Variants in CABLES1 observed in about 807,000 individuals in gnomAD.
CABLES1 encodes Cdk5 and Abl enzyme substrate 1, also known as CDK5 and ABL1 enzyme substrate 1.
A neutral mutation model predicts 57.8 loss-of-function variants in CABLES1; 36 were observed. The ratio of observed to expected loss-of-function variants is 0.62; its 90% CI spans 0.48 to 0.82. The LOEUF (loss-of-function observed/expected upper bound fraction) is 0.82, where lower values mean the gene tolerates loss of function less well. Among genes scored for constraint, CABLES1 ranks in the 40% least tolerant of loss-of-function variants. CABLES1 has a pLI of 0.00. For synonymous variants in CABLES1, 374 were observed against 363.0 expected, an observed-to-expected ratio of 1.03 and a Z score of -0.35; for missense variants, 767 against 836.6, an observed-to-expected ratio of 0.92 and a Z score of 1.03.
chr18:23,194,645 C>G, intron 3 of CABLES1, 105 bp downstream of exon 3: 1 of 725,132 alleles, frequency 1.4e-6, no homozygotes, highest in Non-Finnish European at 2.4e-6. Context: ...CAAGCCCACA[C>G]TTTTAAGATG....
chr18:23,247,536 A>G (rs1280105085), intron 7 of CABLES1, among the ~76,000 whole-genome samples: 2 of 152,236 alleles, frequency 1.3e-5, no homozygotes, highest in Non-Finnish European at 1.5e-5. Flanking sequence ...GAGCGGGAGC[A>G]GGACACGGAA....
At chr18:23,202,043 GAGGAAGGAAGGA>G (rs55652834) in intron 3 of CABLES1, among the ~76,000 whole-genome samples, 4 of 151,766 alleles carry the variant, frequency 2.6e-5, no homozygotes, top group Non-Finnish European at 4.4e-5. Flanking sequence ...AGGTGATTGA[GAGGAAGGAAGGA>G]AGGAAGGAAG....
intron 1 of CABLES1, among the ~76,000 whole-genome samples, chr18:23,179,299 C>T (rs1028415060): frequency 6.6e-6 from 1 of 152,044 alleles, no homozygotes; most frequent in African/African-American, 2.4e-5. Context: ...AAAGAAAAAA[C>T]GGTTTCTTCC....
chr18:23,254,872 TG>T (rs1422475782), intron 9 of CABLES1, among the ~76,000 whole-genome samples: 1 of 152,076 alleles, frequency 6.6e-6, no homozygotes, highest in African/African-American at 2.4e-5. Flanking sequence ...CATACGAATT[TG>T]GGGGGACACA....
At chr18:23,146,594 T>A (rs1197829926) in intron 1 of CABLES1, among the ~76,000 whole-genome samples, 1 of 152,200 alleles carries the variant, frequency 6.6e-6, no homozygotes, top group Non-Finnish European at 1.5e-5. Context: ...GAAGATGAGA[T>A]TACAAATGTC....
chr18:23,234,753 G>T (rs1317112410), intron 5 of CABLES1, 49 bp downstream of exon 5: 9 of 1,469,886 alleles, frequency 6.1e-6, no homozygotes, highest in South Asian at 1.2e-5. Context: ...AGGCACAAGG[G>T]TCAGGAAGCA....
chr18:23,155,702 T>C (rs1311978327), intron 1 of CABLES1: 3 of 778,540 alleles, frequency 3.9e-6, no homozygotes, highest in East Asian at 5.9e-5. Context: ...CCTCATGTGG[T>C]CTCCACGTGG....
At chr18:23,199,963 G>T (rs933191554) in intron 3 of CABLES1, among the ~76,000 whole-genome samples, 1 of 152,168 alleles carries the variant, frequency 6.6e-6, no homozygotes, top group African/African-American at 2.4e-5. Flanking sequence ...TGATGGTACG[G>T]GTTCAGCAGA....
intron 1 of CABLES1, among the ~76,000 whole-genome samples, chr18:23,150,620 A>G (rs1256245551): frequency 2.0e-5 from 3 of 152,152 alleles, no homozygotes; most frequent in Non-Finnish European, 4.4e-5. Context: ...GACCCCTGCC[A>G]CCACAGACCT....
chr18:23,244,309 C>G (rs1239733954), intron 7 of CABLES1, among the ~76,000 whole-genome samples: 1 of 152,232 alleles, frequency 6.6e-6, no homozygotes, highest in Non-Finnish European at 1.5e-5. Flanking sequence ...CCATGTAAAC[C>G]TGAAGCAGAG....
chr18:23,227,265 C>T (rs1041519692), intron 4 of CABLES1, among the ~76,000 whole-genome samples: 5 of 152,146 alleles, frequency 3.3e-5, no homozygotes, highest in African/African-American at 1.2e-4. Flanking sequence ...ACCCACTTTC[C>T]CCAGAAAATT....
intron 9 of CABLES1, among the ~76,000 whole-genome samples, chr18:23,256,816 C>T (rs1423278099): frequency 2.6e-5 from 4 of 152,192 alleles, no homozygotes; most frequent in Admixed American, 6.5e-5. Flanking sequence ...AAACCTGAAT[C>T]ACTTAGTTGC....
chr18:23,163,458 A>G (rs2047019160), intron 1 of CABLES1, among the ~76,000 whole-genome samples: 2 of 152,156 alleles, frequency 1.3e-5, no homozygotes, highest in Admixed American at 1.3e-4. Flanking sequence ...CGAGAGGTTG[A>G]GTAGAAGAGC....
At chr18:23,220,581 G>T (rs561205931) in intron 4 of CABLES1, among the ~76,000 whole-genome samples, 11 of 152,126 alleles carry the variant, frequency 7.2e-5, no homozygotes, top group Non-Finnish European at 1.2e-4. Flanking sequence ...TCATGATCGC[G>T]CCTTTGGGGC....
intron 6 of CABLES1, among the ~76,000 whole-genome samples, chr18:23,236,561 T>C (rs1219932031): frequency 6.6e-6 from 1 of 152,152 alleles, no homozygotes; most frequent in East Asian, 1.9e-4. Context: ...GAAAACACTT[T>C]AGGAAGCAGT....
At chr18:23,159,970 A>G (rs910327495) in intron 1 of CABLES1, among the ~76,000 whole-genome samples, 2 of 151,588 alleles carry the variant, frequency 1.3e-5, no homozygotes, top group Admixed American at 6.6e-5. Flanking sequence ...ACACTTGTCT[A>G]TGGCTACTTT....
chr18:23,138,961 C>T (rs1682738623), intron 1 of CABLES1, among the ~76,000 whole-genome samples: 1 of 152,110 alleles, frequency 6.6e-6, no homozygotes, highest in Admixed American at 6.6e-5. Flanking sequence ...TACGTGAGTC[C>T]AGATCTGCAG....
At chr18:23,165,286 A>C (rs2047034399) in intron 1 of CABLES1, among the ~76,000 whole-genome samples, 1 of 152,030 alleles carries the variant, frequency 6.6e-6, no homozygotes, top group Non-Finnish European at 1.5e-5. Flanking sequence ...TTATAGAGAC[A>C]GGGGTCTCAC....
At chr18:23,256,210 C>T (rs572988691) in intron 9 of CABLES1, among the ~76,000 whole-genome samples, 1 of 152,360 alleles carries the variant, frequency 6.6e-6, no homozygotes, top group South Asian at 2.1e-4. Context: ...GCAGAATGTG[C>T]CTGAGCAAAC....
Sources: gnomAD v4.1 joint callset for allele counts (sites outside exome capture counted in the v4.1 genomes callset) on GRCh38, gnomAD v4.1.1 for gene constraint, MANE v1.5 for transcripts, NCBI Gene and HGNC (gene_info 2026-07-23, HGNC 2026-07-21) for gene names.